Variants in HMCN1 observed in about 807,000 individuals in gnomAD.
The protein encoded by HMCN1 is hemicentin 1, also known as hemicentin-1.
HMCN1 carries 321 observed loss-of-function variants against 625.9 expected under a neutral mutation model. The observed-to-expected ratio is 0.51, with a 90% CI of 0.47 to 0.56. The LOEUF (loss-of-function observed/expected upper bound fraction) is 0.56, where lower values mean the gene tolerates loss of function less well. HMCN1 is among the 20% of genes least tolerant of loss of function. HMCN1 has a pLI of 0.00. For missense variants in HMCN1, 6,588 were observed against 6,887.3 expected, an observed-to-expected ratio of 0.96 and a Z score of 1.54; for synonymous variants, 2,425 against 2,417.6, an observed-to-expected ratio of 1.00 and a Z score of -0.09.
chr1:185,785,416 C>T (rs1657494247), intron 1 of HMCN1, among the ~76,000 whole-genome samples: 3 of 152,120 alleles, frequency 2.0e-5, no homozygotes, highest in Admixed American at 1.3e-4. Context: ...GTGCCTCGTC[C>T]TTAATTTGAT....
chr1:185,977,642 G>C, intron 15 of HMCN1, 145 bp from the exon 16 acceptor site: 1 of 654,970 alleles, frequency 1.5e-6, no homozygotes, highest in African/African-American at 1.8e-5. Flanking sequence ...TTTTACCTAA[G>C]AGAGGAATAT....
At position 185,997,554 on chromosome 1, in the gene HMCN1, G is replaced by A. The variant is rs759706777; in HGVS notation, c.3874+30G>A. ...GTAATACTGAAAGATATAGGCATTG[G>A]CATAATGTTATATGGTTTCAGAATG... On this transcript the variant is annotated intron_variant, in intron 25 of 106. Coordinates refer to ENST00000271588, the MANE Select transcript of HMCN1 (RefSeq NM_031935.3). 1.1e-4 allele frequency: 155 copies of A among 1,432,630 alleles called. 1 individual carries two copies. Among genetic ancestry groups the A allele is most frequent in the Non-Finnish European group, 1.5e-4 (151 of 1,015,938 alleles). The allele number at this position is 1,432,630 out of a possible 1,614,324, so 88.7% of individuals were successfully genotyped here. A position where few individuals can be genotyped will look rare whatever the true frequency, so the allele number is the denominator to read the frequency against.
At chr1:186,088,036 ACT>A (rs1398276718) in intron 61 of HMCN1, 23 bp downstream of exon 61, 11 of 1,611,888 alleles carry the variant, frequency 6.8e-6, no homozygotes, top group Non-Finnish European at 9.3e-6. Flanking sequence ...CTCTAATACA[ACT>A]CTTTTTCCCC....
intron 1 of HMCN1, among the ~76,000 whole-genome samples, chr1:185,833,312 A>G (rs1660979889): frequency 1.3e-5 from 2 of 152,148 alleles, no homozygotes; most frequent in Non-Finnish European, 2.9e-5. Context: ...TTTATACTAA[A>G]CTGTATAGAT....
rs1258931428 is a variant in HMCN1, at chr1:185,948,788, C to T, written c.1829-13730C>T. 6.1e-5 allele frequency among the ~76,000 whole-genome samples: 9 copies of T among 148,686 alleles called. No individual in the cohort carries two copies. The South Asian group carries it at 6.5e-4, about 11-fold the overall frequency. ...ACAAAATAGTGTTGAAGTGTCGGGG[C>T]GGTGAAAATTTTTGGGGGGTGGTAT... is the stretch of plus-strand genomic sequence containing the variant. On this transcript the variant is annotated intron_variant, in intron 11 of 106. Coordinates refer to ENST00000271588, the MANE Select transcript of HMCN1 (RefSeq NM_031935.3).
At chr1:186,033,060 ACACG>A (rs1018825350) in intron 36 of HMCN1, among the ~76,000 whole-genome samples, 80 of 142,836 alleles carry the variant, frequency 5.6e-4, no homozygotes, top group Non-Finnish European at 1.0e-3. Flanking sequence ...TGATATACAC[ACACG>A]CACACACACA....
rs151211018 is a variant in HMCN1 at position 186,088,749 on chromosome 1, A to G, written c.9721A>G (p.Ile3241Val). Residue 3241 changes from isoleucine to valine, a missense_variant, in exon 63 of 107, where the codon ATT (isoleucine) becomes GTT (valine). Physicochemically the swap from Ile to Val is conservative, Grantham distance 29 (BLOSUM62 3). This residue lies in a region of HMCN1 where 4,628 missense variants were observed against 4,853.1 expected (regional missense o/e 0.95). Coordinates refer to ENST00000271588, the MANE Select transcript of HMCN1 (RefSeq NM_031935.3). ...AGCCCAGAAATATTACTTTCTTTCA[A>G]TTCAAGGTATGTATTGTCCACTATG... ...GKAQKYYFLS[I>V]QVPPSVAGAE... is the part of the protein sequence containing the mutation. The G allele has an allele frequency of 5.3e-4, 857 of 1,606,818 alleles. 3 individuals are homozygous for G. Among genetic ancestry groups the G allele is most frequent in the East Asian group, 1.2e-3 (54 of 44,632 alleles).
chr1:186,062,330 G>T (rs917455703), intron 47 of HMCN1, among the ~76,000 whole-genome samples, 184 bp from the exon 48 acceptor site: 9 of 152,058 alleles, frequency 5.9e-5, no homozygotes, highest in Non-Finnish European at 1.3e-4. Context: ...ATTATAATTG[G>T]ATTTATGACT....
Position 185,988,056 on chromosome 1 carries a change from T to A in HMCN1, c.3048+512T>A, listed in dbSNP as rs116625220. ...CAGGTTATGCTACGGACGTGTTCAC[T>A]GTAATGTTGCTAATACCATTCAAGT... On this transcript the variant is annotated intron_variant, in intron 20 of 106. Transcript: ENST00000271588. Among the ~76,000 whole-genome samples, 117 of 152,324 alleles carry A rather than the reference T, an allele frequency of 7.7e-4. 1 individual carries two copies. Among genetic ancestry groups the A allele is most frequent in the East Asian group, 5.8e-4 (3 of 5,184 alleles).
chr1:186,114,794 A>G (rs745779538), intron 73 of HMCN1, 25 bp from the exon 74 acceptor site: 7 of 1,613,878 alleles, frequency 4.3e-6, no homozygotes, highest in Non-Finnish European at 5.1e-6. Context: ...GATTCAGAAG[A>G]CTTCACTTGT....
chr1:186,058,398 A>T (rs1218045896), intron 46 of HMCN1, among the ~76,000 whole-genome samples: 1 of 151,998 alleles, frequency 6.6e-6, no homozygotes, highest in Non-Finnish European at 1.5e-5. Flanking sequence ...CGTGTGCACT[A>T]TAAACTTAGC....
At chr1:186,084,903 G>A (rs1250565795) in intron 57 of HMCN1, among the ~76,000 whole-genome samples, 1 of 152,048 alleles carries the variant, frequency 6.6e-6, no homozygotes, top group African/African-American at 2.4e-5. Context: ...GGCTCGGTGA[G>A]ATTAAGTAAC....
At chr1:186,057,478 A>T in intron 46 of HMCN1, 77 bp downstream of exon 46, 2 of 1,052,946 alleles carry the variant, frequency 1.9e-6, no homozygotes, top group Non-Finnish European at 3.0e-6. Flanking sequence ...CAAATTGCTC[A>T]GTGTTTTTAT....
intron 4 of HMCN1, among the ~76,000 whole-genome samples, chr1:185,890,158 C>T (rs935747332): frequency 6.6e-6 from 1 of 150,946 alleles, no homozygotes; most frequent in African/African-American, 2.5e-5. Flanking sequence ...GTGGTGACAT[C>T]CCCTTTATCA....
chr1:185,965,712 A>C (rs970088729), intron 13 of HMCN1, 90 bp from the exon 14 acceptor site: 26 of 809,748 alleles, frequency 3.2e-5, no homozygotes, highest in South Asian at 6.8e-5. Flanking sequence ...CAAGCACATA[A>C]ATTTTTAAAT....
At chr1:186,106,861 A>C in intron 69 of HMCN1, 23 bp from the exon 70 acceptor site, 1 of 1,450,562 alleles carries the variant, frequency 6.9e-7, no homozygotes, top group Non-Finnish European at 9.7e-7. Flanking sequence ...AACATTATGT[A>C]ATTCATTATT....
At chr1:185,969,071 A>C (rs185894721) in intron 14 of HMCN1, among the ~76,000 whole-genome samples, 194 of 152,354 alleles carry the variant, frequency 1.3e-3, no homozygotes, top group Admixed American at 0.013. Flanking sequence ...GAAGAAATAT[A>C]AAGGGAAAGT....
intron 2 of HMCN1, among the ~76,000 whole-genome samples, chr1:185,855,115 C>T (rs1034627690): frequency 5.3e-5 from 8 of 152,112 alleles, no homozygotes; most frequent in African/African-American, 9.7e-5. Context: ...GTGAATGCTT[C>T]CTCCTCGAAT....
intron 54 of HMCN1, 76 bp downstream of exon 54, chr1:186,076,698 A>C (rs1347315917): frequency 7.0e-7 from 1 of 1,432,684 alleles, no homozygotes; most frequent in African/African-American, 1.4e-5. Flanking sequence ...AGACGAATTG[A>C]ATTGGTTGGG....
Sources: allele counts gnomAD v4.1 joint callset (sites outside exome capture counted in the v4.1 genomes callset), GRCh38; gene constraint gnomAD v4.1.1; regional missense constraint gnomAD v4.1.1; transcripts MANE v1.5; gene names NCBI Gene and HGNC (gene_info 2026-07-23, HGNC 2026-07-21).